ZNF283: variants seen among roughly 807,000 people sequenced by gnomAD.
ZNF283 encodes zinc finger protein 283.
Under a neutral mutation model 9.2 loss-of-function variants are expected in ZNF283, and 10 were observed. That is an observed-to-expected ratio of 1.09 (90% CI 0.67 to 1.85). ZNF283 has a LOEUF of 1.85. ZNF283 is among the 40% of genes most tolerant of loss of function. ZNF283 has a pLI of 0.00. For missense variants in ZNF283, 631 were observed against 760.1 expected (o/e 0.83, Z 2.00); for synonymous variants, 234 against 244.1 (o/e 0.96, Z 0.38).
At chr19:43,836,542 T>C (rs1970986100) in intron 5 of ZNF283, among the ~76,000 whole-genome samples, 1 of 152,160 alleles carries the variant, frequency 6.6e-6, no homozygotes, top group Admixed American at 6.5e-5. Flanking sequence ...GGGTTTCACA[T>C]GTTGGCCAGG....
At chr19:43,845,368 A>G (rs1281372038) in intron 6 of ZNF283, among the ~76,000 whole-genome samples, 1 of 152,192 alleles carries the variant, frequency 6.6e-6, no homozygotes, top group Non-Finnish European at 1.5e-5. Flanking sequence ...TATGTGAAAG[A>G]CATAATCTGT....
At chr19:43,841,267 T>C (rs546599149) in intron 6 of ZNF283, among the ~76,000 whole-genome samples, 4 of 152,314 alleles carry the variant, frequency 2.6e-5, no homozygotes, top group Admixed American at 1.3e-4. Context: ...TGTATTTACT[T>C]TTGGGATTAC....
At chr19:43,835,288 C>T (rs1017241869) in intron 4 of ZNF283, among the ~76,000 whole-genome samples, 2 of 152,114 alleles carry the variant, frequency 1.3e-5, no homozygotes, top group East Asian at 1.9e-4. Flanking sequence ...ACTGAATTGT[C>T]GAATCCCAGG....
intron 3 of ZNF283, 39 bp from the exon 4 acceptor site, chr19:43,833,466 T>C (rs1346043215): frequency 1.5e-5 from 4 of 266,402 alleles, no homozygotes; most frequent in South Asian, 1.3e-4. Flanking sequence ...TGTGTGTTTC[T>C]TTCTTCTTTA....
At position 43,837,055 on chromosome 19, in the gene ZNF283, G is replaced by C; in HGVS notation, c.213G>C (p.Gly71=). The C allele has an allele frequency of 3.1e-6, 5 of 1,613,894 alleles. No individual in the cohort carries two copies. Among genetic ancestry groups the C allele is most frequent in the Non-Finnish European group, 4.2e-6 (5 of 1,179,916 alleles). The change falls in exon 6 of 7, where the codon GGG becomes GGC. Residue 71 remains glycine, a splice_region_variant and synonymous_variant. Coordinates refer to ENST00000618787, the MANE Select transcript of ZNF283 (RefSeq NM_181845.2). The part of the protein sequence containing the change: ...SSCNSRTMTD[G]LVTFRDVAID... ...AATACATGGGTTTTTGGTTTTAGGG[G>C]TTGGTGACATTCAGGGATGTGGCCA...
chr19:43,837,580 C>G (rs1313694919), intron 6 of ZNF283: 1 of 273,854 alleles, frequency 3.7e-6, no homozygotes, highest in Non-Finnish European at 6.7e-6. Context: ...ATAACTTGCC[C>G]ATTTTCGTGC....
chr19:43,836,196 A>C (rs1970971678), intron 5 of ZNF283, among the ~76,000 whole-genome samples: 1 of 152,228 alleles, frequency 6.6e-6, no homozygotes, highest in African/African-American at 2.4e-5. Flanking sequence ...AAATAAAAAT[A>C]CTGTTTATTC....
At position 43,837,085 on chromosome 19, in the gene ZNF283, C is replaced by T; in HGVS notation, c.243C>T (p.Asp81=). Residue 81 remains aspartate, a synonymous_variant, in exon 6 of 7, where the codon GAC becomes GAT. Coordinates refer to ENST00000618787, the MANE Select transcript of ZNF283 (RefSeq NM_181845.2). ...GLVTFRDVAI[D]FSQEEWECLD... ...TGACATTCAGGGATGTGGCCATCGA[C>T]TTCTCTCAGGAGGAGTGGGAATGCC... The T allele has an allele frequency of 6.2e-7, 1 of 1,614,136 alleles. No individual in the cohort carries two copies.
chr19:43,837,527 G>A (rs1163793534), intron 6 of ZNF283: 4 of 353,740 alleles, frequency 1.1e-5, no homozygotes, highest in African/African-American at 2.1e-5. Context: ...CTCCTGGCCA[G>A]CCTTGTGCTG....
chr19:43,844,212 AC>A (rs1971321316), intron 6 of ZNF283, among the ~76,000 whole-genome samples: 1 of 152,226 alleles, frequency 6.6e-6, no homozygotes, highest in Non-Finnish European at 1.5e-5. Flanking sequence ...TTTTAACATG[AC>A]AAATATCAAA....
chr19:43,849,202 G>T lies in ZNF283; in HGVS notation c.*561G>T, dbSNP rs367719619. The T allele has an allele frequency of 2.0e-5, 3 of 152,310 alleles. No individual in the cohort carries two copies. The highest frequency in any genetic ancestry group is 1.9e-4 in the East Asian group (1 of 5,190). 9.4% of individuals were successfully genotyped at this position (152,310 alleles called of 1,614,324 possible). ...TACCCAAATTATTATCCAGAGACTG[G>T]TGCAGTCATAAAATTGTCATCTGTC... On this transcript the variant is annotated 3_prime_UTR_variant, in exon 7 of 7. Transcript: ENST00000618787.
rs1396156808 is a variant in ZNF283, at chr19:43,851,979, T to C, written c.*3338T>C. ...GAAAATCTTTGTTGTAGCTAAGTAG[T>C]GGTGCCTCCTGAGTTTTATTAAATG... is the stretch of plus-strand genomic sequence containing the variant. On this transcript the variant is annotated 3_prime_UTR_variant, in exon 7 of 7. Transcript: ENST00000618787. 1.3e-5 allele frequency: 2 copies of C among 152,210 alleles called. No individual in the cohort carries two copies. The highest frequency in any genetic ancestry group is 2.9e-5 in the Non-Finnish European group (2 of 68,038). The allele number at this position is 152,210 out of a possible 1,614,324, so 9.4% of individuals were successfully genotyped here.
At chr19:43,829,213 G>A (rs958372634) in intron 2 of ZNF283, among the ~76,000 whole-genome samples, 3 of 152,176 alleles carry the variant, frequency 2.0e-5, no homozygotes, top group African/African-American at 2.4e-5. Context: ...GTGAAACCCC[G>A]TCTCCACTAA....
chr19:43,838,547 T>C (rs1478352872), intron 6 of ZNF283, among the ~76,000 whole-genome samples: 1 of 152,156 alleles, frequency 6.6e-6, no homozygotes, highest in Non-Finnish European at 1.5e-5. Flanking sequence ...CTGGATTGCT[T>C]GAACCTAAGA....
intron 6 of ZNF283, among the ~76,000 whole-genome samples, chr19:43,841,978 T>G (rs1971233147): frequency 6.6e-6 from 1 of 152,346 alleles, no homozygotes; most frequent in Middle Eastern, 3.4e-3. Flanking sequence ...CCTTTACATT[T>G]ATCATGCTTC....
intron 6 of ZNF283, 148 bp from the exon 7 acceptor site, chr19:43,846,791 C>G: frequency 1.7e-6 from 1 of 595,744 alleles, no homozygotes; most frequent in South Asian, 2.7e-5. Context: ...AAAATCAAGG[C>G]TGAGTTTGTT....
intron 4 of ZNF283, 121 bp from the exon 5 acceptor site, chr19:43,835,384 T>C: frequency 1.5e-6 from 1 of 662,426 alleles, no homozygotes; most frequent in African/African-American, 1.8e-5. Context: ...TTGAATTCCA[T>C]AAATGGTGCG....
At position 43,847,008 on chromosome 19, in the gene ZNF283, C is replaced by A. The variant is rs745894331; in HGVS notation, c.407C>A (p.Ser136Tyr). 1 of 1,569,444 alleles carries A rather than the reference C, an allele frequency of 6.4e-7. No individual in the cohort carries two copies. Among genetic ancestry groups the A allele is most frequent in the Non-Finnish European group, 8.6e-7 (1 of 1,161,356 alleles). Residue 136 changes from serine (S) to tyrosine (Y), a missense_variant, in exon 7 of 7, where the codon TCC becomes TAC. Transcript: ENST00000618787. ...AATGATATTTTTGAAATAAATTTTT[C>A]CCAGTGGGAGATGAAGGACAAAAGT... ...SENDIFEINF[S>Y]QWEMKDKSKT...
At chr19:43,832,661 C>G (rs182744125) in intron 3 of ZNF283, among the ~76,000 whole-genome samples, 220 of 152,168 alleles carry the variant, frequency 1.4e-3, no homozygotes, top group African/African-American at 5.2e-3. Flanking sequence ...AATAGAGTAG[C>G]CTTAAGTTTC....
Sources: allele counts gnomAD v4.1 joint callset (sites outside exome capture counted in the v4.1 genomes callset), GRCh38; gene constraint gnomAD v4.1.1; transcripts MANE v1.5; gene names NCBI Gene and HGNC (gene_info 2026-07-23, HGNC 2026-07-21).